The following PIK3CB variants were observed in gnomAD, a reference collection of about 807,000 sequenced individuals.
PIK3CB encodes the protein phosphatidylinositol-4,5-bisphosphate 3-kinase catalytic subunit beta.
In PIK3CB, 39 loss-of-function variants were observed where a neutral mutation model predicts 136.8. The ratio of observed to expected loss-of-function variants is 0.29; its 90% CI spans 0.22 to 0.37. The LOEUF (loss-of-function observed/expected upper bound fraction) is 0.37. Ranked by LOEUF, PIK3CB falls within the 10% of genes least tolerant of loss-of-function variation. The probability of loss-of-function intolerance (pLI) is 1.00; values close to 1 mark genes in which losing one functional copy is unlikely to be tolerated. For synonymous variants in PIK3CB, 428 were observed against 436.6 expected (o/e 0.98, Z 0.25); for missense variants, 868 against 1,275.4 (o/e 0.68, Z 4.87).
chr3:138,701,873 G>C (rs1228394120), intron 12 of PIK3CB, among the ~76,000 whole-genome samples: 1 of 149,004 alleles, frequency 6.7e-6, no homozygotes, highest in Non-Finnish European at 1.5e-5. Flanking sequence ...TTAAAAAGTA[G>C]ACCTATTCAT....
At chr3:138,826,961 C>G (rs186860654) in intron 1 of PIK3CB, among the ~76,000 whole-genome samples, 6 of 152,124 alleles carry the variant, frequency 3.9e-5, no homozygotes, top group Admixed American at 6.6e-5. Context: ...CCCAGCTACT[C>G]GGGAGGCTGA....
chr3:138,823,680 C>T (rs561288473), intron 1 of PIK3CB, among the ~76,000 whole-genome samples: 2 of 151,966 alleles, frequency 1.3e-5, no homozygotes, highest in South Asian at 2.1e-4. Flanking sequence ...TCCAGCCTGG[C>T]GACAGAGCGA....
At chr3:138,771,801 AG>A (rs2045803588) in intron 2 of PIK3CB, among the ~76,000 whole-genome samples, 1 of 152,008 alleles carries the variant, frequency 6.6e-6, no homozygotes, top group Non-Finnish European at 1.5e-5. Context: ...CTGTGGTCCC[AG>A]CTACTCGAGA....
At chr3:138,822,519 C>CAGTGAG (rs1299355482) in intron 1 of PIK3CB, among the ~76,000 whole-genome samples, 1 of 151,656 alleles carries the variant, frequency 6.6e-6, no homozygotes, top group Non-Finnish European at 1.5e-5. Context: ...CTGGGCGACA[C>CAGTGAG]AGTGAGACCC....
chr3:138,676,902 G>C (rs1345474935), intron 19 of PIK3CB, among the ~76,000 whole-genome samples: 1 of 152,100 alleles, frequency 6.6e-6, no homozygotes, highest in Non-Finnish European at 1.5e-5. Context: ...TGATAAAAAT[G>C]TTGTAAAATT....
At chr3:138,778,335 G>A (rs1313391611) in intron 2 of PIK3CB, 2 of 340,316 alleles carry the variant, frequency 5.9e-6, no homozygotes, top group South Asian at 2.3e-5. Context: ...GGCATCATGG[G>A]AGGAATCATG....
intron 21 of PIK3CB, 92 bp from the exon 22 acceptor site, chr3:138,657,927 T>C (rs1291514197): frequency 8.0e-7 from 1 of 1,246,098 alleles, no homozygotes; most frequent in African/African-American, 1.5e-5. Context: ...CCCCAGGAAC[T>C]ATACCCATCC....
chr3:138,820,585 C>T (rs542615367), intron 1 of PIK3CB, among the ~76,000 whole-genome samples: 67 of 152,226 alleles, frequency 4.4e-4, no homozygotes, highest in African/African-American at 1.5e-3. Context: ...CCACTGCCTC[C>T]GGGGCTTAAG....
At chr3:138,751,338 G>A (rs1480647735) in intron 4 of PIK3CB, among the ~76,000 whole-genome samples, 1 of 151,908 alleles carries the variant, frequency 6.6e-6, no homozygotes, top group Non-Finnish European at 1.5e-5. Context: ...GGTGCCTGTA[G>A]TCCCAGCTAC....
At chr3:138,707,833 C>T (rs1404234714) in intron 10 of PIK3CB, among the ~76,000 whole-genome samples, 2 of 152,228 alleles carry the variant, frequency 1.3e-5, no homozygotes, top group African/African-American at 2.4e-5. Flanking sequence ...ACCTCACCAA[C>T]TGCTTCTTTC....
intron 8 of PIK3CB, among the ~76,000 whole-genome samples, chr3:138,729,014 C>T (rs1158267781): frequency 3.3e-5 from 5 of 152,128 alleles, no homozygotes; most frequent in Non-Finnish European, 7.4e-5. Context: ...GGCATAGTAG[C>T]TCACATCTGT....
At chr3:138,766,557 C>T (rs1156283749) in intron 2 of PIK3CB, among the ~76,000 whole-genome samples, 1 of 152,074 alleles carries the variant, frequency 6.6e-6, no homozygotes, top group Non-Finnish European at 1.5e-5. Context: ...ATAGAAAAAT[C>T]CTTCCTCACT....
chr3:138,766,840 C>A (rs901811199), intron 2 of PIK3CB, among the ~76,000 whole-genome samples: 1 of 152,168 alleles, frequency 6.6e-6, no homozygotes, highest in Non-Finnish European at 1.5e-5. Flanking sequence ...GGGAATACTG[C>A]AAGGTTAAAT....
intron 2 of PIK3CB, among the ~76,000 whole-genome samples, chr3:138,791,362 C>CT (rs1318573424): frequency 6.6e-6 from 1 of 152,092 alleles, no homozygotes; most frequent in Non-Finnish European, 1.5e-5. Context: ...AGACTGGTCT[C>CT]TAACTCAAGG....
At chr3:138,823,452 C>G (rs1403707329) in intron 1 of PIK3CB, among the ~76,000 whole-genome samples, 2 of 150,160 alleles carry the variant, frequency 1.3e-5, no homozygotes, top group Admixed American at 6.6e-5. Context: ...CGCCTGAAAT[C>G]CCAGCACTTT....
chr3:138,832,031 GC>G (rs1487000987), intron 1 of PIK3CB, among the ~76,000 whole-genome samples: 1 of 152,176 alleles, frequency 6.6e-6, no homozygotes, highest in Admixed American at 6.5e-5. Flanking sequence ...CTGACTCCCA[GC>G]CTTTTCACAG....
chr3:138,808,759 T>C (rs2046261576), intron 1 of PIK3CB, among the ~76,000 whole-genome samples: 1 of 151,722 alleles, frequency 6.6e-6, no homozygotes, highest in African/African-American at 2.4e-5. Context: ...TCTATATATA[T>C]ATACACACAC....
intron 21 of PIK3CB, among the ~76,000 whole-genome samples, chr3:138,660,216 T>TC (rs1268505899): frequency 3.9e-5 from 6 of 152,174 alleles, no homozygotes; most frequent in Non-Finnish European, 8.8e-5. Flanking sequence ...TCTATAAGGT[T>TC]GTCATCAGGC....
At chr3:138,834,261 A>G (rs1394504875) in intron 1 of PIK3CB, among the ~76,000 whole-genome samples, 1 of 152,240 alleles carries the variant, frequency 6.6e-6, no homozygotes, top group Non-Finnish European at 1.5e-5. Flanking sequence ...CCATAACCTA[A>G]TAACCCTGGG....
Sources: gnomAD v4.1 joint callset for allele counts (sites outside exome capture counted in the v4.1 genomes callset) on GRCh38, gnomAD v4.1.1 for gene constraint, MANE v1.5 for transcripts, NCBI Gene and HGNC (gene_info 2026-07-23, HGNC 2026-07-21) for gene names.